Variants in MDN1 observed in about 807,000 individuals in gnomAD.
MDN1 encodes the protein midasin AAA ATPase 1.
MDN1 carries 266 observed loss-of-function variants against 669.2 expected under a neutral mutation model. The ratio of observed to expected loss-of-function variants is 0.40; its 90% CI spans 0.36 to 0.44. The LOEUF is 0.44. MDN1 is among the 20% of genes least tolerant of loss of function. The pLI, the probability that MDN1 is intolerant of heterozygous loss-of-function variation, is 1.00. For missense variants in MDN1, 5,940 were observed against 6,754.0 expected (o/e 0.88, Z 4.22); for synonymous variants, 2,385 against 2,457.1 (o/e 0.97, Z 0.87).
rs115554135 is a variant in MDN1, at chr6:89,762,482, T to G, written c.2193A>C (p.Ala731=). 632 of 1,614,016 alleles carry G rather than the reference T, an allele frequency of 3.9e-4. No homozygotes were observed. Among genetic ancestry groups the G allele is most frequent in the Non-Finnish European group, 5.0e-4 (588 of 1,179,992 alleles). ...HKLIWLPLRE[A]FEELFAQTFS... is the part of the protein sequence containing the mutation. ...ATGTCTGAGCAAAGAGTTCCTCAAA[T>G]GCCTCCCGTAAGGGTAGCCAAATAA... Residue 731 remains alanine (A), a synonymous_variant, in exon 16 of 102, where the codon GCA becomes GCC. Coordinates refer to ENST00000369393, the MANE Select transcript of MDN1 (RefSeq NM_014611.3).
At chr6:89,664,377 C>CAGAAA in intron 85 of MDN1, 110 bp downstream of exon 85, 1 of 1,395,388 alleles carries the variant, frequency 7.2e-7, no homozygotes, top group Non-Finnish European at 9.9e-7. Context: ...AGCACAGTAA[C>CAGAAA]CAACTTGTTT....
chr6:89,655,996 G>C, intron 91 of MDN1, 28 bp from the exon 92 acceptor site: 1 of 1,597,296 alleles, frequency 6.3e-7, no homozygotes, highest in Non-Finnish European at 8.6e-7. Flanking sequence ...ATTCATCAGA[G>C]CCTTGCCTGT....
At chr6:89,675,172 C>T (rs748006003) in intron 78 of MDN1, among the ~76,000 whole-genome samples, 1 of 152,222 alleles carries the variant, frequency 6.6e-6, no homozygotes, top group Non-Finnish European at 1.5e-5. Context: ...ATCCTCATTC[C>T]AGACACAGGT....
chr6:89,733,845 GAAAC>G (rs1815760549), intron 33 of MDN1, among the ~76,000 whole-genome samples: 1 of 151,842 alleles, frequency 6.6e-6, no homozygotes, highest in Non-Finnish European at 1.5e-5. Context: ...GACCATTTAA[GAAAC>G]AAAATCAGAG....
chr6:89,758,018 A>G (rs1281156874), intron 19 of MDN1, among the ~76,000 whole-genome samples: 1 of 152,238 alleles, frequency 6.6e-6, no homozygotes, highest in African/African-American at 2.4e-5. Context: ...ACTGCACTCC[A>G]GCCTGGGCAA....
At chr6:89,817,400 T>G (rs1256540722) in intron 1 of MDN1, among the ~76,000 whole-genome samples, 1 of 152,192 alleles carries the variant, frequency 6.6e-6, no homozygotes, top group Non-Finnish European at 1.5e-5. Context: ...TATCAGACAC[T>G]GTATTGGACA....
In MDN1 at chr6:89,690,680, T is replaced by C. The variant is rs754252728; in HGVS notation, c.10742A>G (p.His3581Arg). The stretch of plus-strand genomic sequence containing the variant: ...CTGCCATCACTGCTCTACCTTTTCA[T>C]GCAGGGGGAACTGTTTTCTGAACTC... ...EREFRKQFPL[H>R]EKDFADILVQ... Residue 3581 changes from histidine to arginine, a missense_variant, in exon 64 of 102, where the codon CAT becomes CGT. Physicochemically the swap from His to Arg is conservative, Grantham distance 29. Around this residue, in one of 5 missense-constraint regions of MDN1, gnomAD observed 2,280 missense variants for 2,576.3 expected, o/e 0.88. Transcript: ENST00000369393. The C allele has an allele frequency of 3.1e-6, 5 of 1,614,082 alleles. No individual in the cohort carries two copies. In the Admixed American group the frequency reaches 6.7e-5, roughly 22 times the overall value.
At chr6:89,717,843 A>G (rs568110732) in intron 43 of MDN1, among the ~76,000 whole-genome samples, 12 of 152,360 alleles carry the variant, frequency 7.9e-5, no homozygotes, top group Non-Finnish European at 1.5e-4. Context: ...TGACAAGCAT[A>G]GTGACAGACC....
chr6:89,770,944 A>G (rs1818050052), intron 15 of MDN1, among the ~76,000 whole-genome samples: 1 of 152,188 alleles, frequency 6.6e-6, no homozygotes, highest in Non-Finnish European at 1.5e-5. Flanking sequence ...AGAAACATCT[A>G]CACACCCATG....
rs776167772 is a variant in MDN1 at position 89,751,289 on chromosome 6, T to C, written c.3227+142A>G. On this transcript the variant is annotated intron_variant, in intron 23 of 101. Transcript: ENST00000369393. The stretch of plus-strand genomic sequence containing the variant: ...AAAGTTTTCTACCAGGAAAAAGTTA[T>C]AGTACTGACTTTTGTAAGTAATTGT... 45 of 1,059,856 alleles carry C rather than the reference T, an allele frequency of 4.2e-5. No individual in the cohort carries two copies. The African/African-American group carries it at 6.6e-4, about 16-fold the overall frequency. 65.7% of individuals were successfully genotyped at this position (1,059,856 alleles called of 1,614,324 possible).
At chr6:89,764,542 A>C (rs1392643261) in intron 15 of MDN1, among the ~76,000 whole-genome samples, 1 of 152,184 alleles carries the variant, frequency 6.6e-6, no homozygotes, top group Non-Finnish European at 1.5e-5. Flanking sequence ...GAGGTCAAGT[A>C]GTAGCTTAAG....
intron 51 of MDN1, among the ~76,000 whole-genome samples, chr6:89,707,694 C>T (rs1813611098): frequency 6.6e-6 from 1 of 152,142 alleles, no homozygotes; most frequent in Non-Finnish European, 1.5e-5. Context: ...TCTAGGCAGA[C>T]TCCCAGGCCT....
intron 88 of MDN1, 41 bp downstream of exon 88, chr6:89,661,390 A>C: frequency 1.3e-6 from 2 of 1,591,158 alleles, no homozygotes; most frequent in Non-Finnish European, 1.7e-6. Context: ...CTGTTCACTA[A>C]TGTGAGTTCT....
rs764307892 is a variant in MDN1, at chr6:89,714,523, C to T, written c.7069+20G>A. The T allele has an allele frequency of 1.3e-6, 2 of 1,560,578 alleles. No homozygotes were observed. The highest frequency in any genetic ancestry group is 4.5e-5 in the East Asian group (2 of 44,294). On this transcript the variant is annotated intron_variant, in intron 46 of 101. Coordinates refer to ENST00000369393, the MANE Select transcript of MDN1 (RefSeq NM_014611.3). ...TTGAAGACTAAAACTCTGCAAAGGC[C>T]CAAAAGTCAAGCACCTCACCTACAA...
intron 26 of MDN1, 148 bp from the exon 27 acceptor site, chr6:89,747,618 G>A (rs189691119): frequency 1.2e-4 from 115 of 950,818 alleles, no homozygotes; most frequent in Non-Finnish European, 1.5e-4. Flanking sequence ...TTGGCCGGGC[G>A]TGGTGGCTCA....
intron 40 of MDN1, among the ~76,000 whole-genome samples, chr6:89,720,813 A>G (rs1239046189): frequency 6.6e-6 from 1 of 152,214 alleles, no homozygotes; most frequent in African/African-American, 2.4e-5. Flanking sequence ...TTAGTGTGTA[A>G]TTAGATTCTG....
intron 2 of MDN1, 58 bp from the exon 3 acceptor site, chr6:89,794,859 C>A: frequency 6.9e-7 from 1 of 1,441,552 alleles, no homozygotes; most frequent in Middle Eastern, 2.0e-4. Context: ...CTTAATTTTT[C>A]TGCTTTGTAA....
At chr6:89,775,748 C>T (rs1423420238) in intron 12 of MDN1, among the ~76,000 whole-genome samples, 1 of 152,146 alleles carries the variant, frequency 6.6e-6, no homozygotes, top group Non-Finnish European at 1.5e-5. Flanking sequence ...TGCAGTGGCA[C>T]AACCTTGGCT....
Position 89,747,453 on chromosome 6 carries a change from A to G in MDN1, c.3780T>C (p.Ser1260=). The G allele has an allele frequency of 1.2e-6, 2 of 1,613,878 alleles. No individual in the cohort carries two copies. The highest frequency in any genetic ancestry group is 2.2e-5 in the South Asian group (2 of 91,046). ...AGCCCTGCTTTCCAGCAAACACTGA[A>G]GAACTTCTGCGATAGGACTGTTGAA... The part of the protein sequence containing the change: ...MLDLQSYRRS[S]SVFAGKQGFI... Residue 1260 remains serine, a synonymous_variant, in exon 27 of 102, where the codon TCT becomes TCC. Coordinates refer to ENST00000369393, the MANE Select transcript of MDN1 (RefSeq NM_014611.3).
Sources: gnomAD v4.1 joint callset for allele counts (sites outside exome capture counted in the v4.1 genomes callset) on GRCh38, gnomAD v4.1.1 for gene constraint, gnomAD v4.1.1 regional missense constraint, MANE v1.5 for transcripts, NCBI Gene and HGNC (gene_info 2026-07-23, HGNC 2026-07-21) for gene names.